The following SOX5 variants were observed in gnomAD, a reference collection of about 807,000 sequenced individuals.
SOX5 encodes transcription factor SOX-5.
SOX5 carries 9 observed loss-of-function variants against 92.0 expected under a neutral mutation model. The ratio of observed to expected loss-of-function variants is 0.10; its 90% CI spans 0.06 to 0.17. The LOEUF (loss-of-function observed/expected upper bound fraction) is 0.17. Ranked by LOEUF, SOX5 falls within the 10% of genes least tolerant of loss-of-function variation. The pLI is 1.00. For missense variants in SOX5, 642 were observed against 944.5 expected (o/e 0.68, Z 4.20); for synonymous variants, 344 against 336.3 (o/e 1.02, Z -0.25).
At chr12:23,968,654 T>G (rs1947871242) in intron 4 of SOX5, among the ~76,000 whole-genome samples, 2 of 152,214 alleles carry the variant, frequency 1.3e-5, no homozygotes, top group Admixed American at 1.3e-4. Context: ...GCCAATAAAT[T>G]TCTTTTCATT....
chr12:24,041,911 A>G (rs1203285960), intron 4 of SOX5, among the ~76,000 whole-genome samples: 2 of 152,132 alleles, frequency 1.3e-5, no homozygotes, highest in African/African-American at 4.8e-5. Flanking sequence ...TTTGTAACTT[A>G]TTTTAAACTG....
intron 4 of SOX5, among the ~76,000 whole-genome samples, chr12:24,081,766 G>A (rs535594198): frequency 1.3e-5 from 2 of 151,998 alleles, no homozygotes; most frequent in Non-Finnish European, 1.5e-5. Context: ...CTACTGTACC[G>A]AATTGAGGTC....
At chr12:24,071,868 G>C (rs992197215) in intron 4 of SOX5, among the ~76,000 whole-genome samples, 6 of 152,176 alleles carry the variant, frequency 3.9e-5, no homozygotes, top group African/African-American at 1.2e-4. Flanking sequence ...AGGCAAAGTT[G>C]TTTATCACTT....
At chr12:24,181,933 TCCATGTGTATA>T (rs1955539389) in intron 4 of SOX5, among the ~76,000 whole-genome samples, 1 of 152,206 alleles carries the variant, frequency 6.6e-6, no homozygotes, top group Non-Finnish European at 1.5e-5. Flanking sequence ...ATTTTTCATC[TCCATGTGTATA>T]CCATGTGAAA....
intron 3 of SOX5, among the ~76,000 whole-genome samples, chr12:23,800,367 C>A (rs2095638894): frequency 6.6e-6 from 1 of 152,044 alleles, no homozygotes; most frequent in African/African-American, 2.4e-5. Context: ...TAACCCAATA[C>A]CCAAACACAC....
At chr12:23,773,449 G>A (rs1192307656) in intron 3 of SOX5, among the ~76,000 whole-genome samples, 1 of 152,146 alleles carries the variant, frequency 6.6e-6, no homozygotes, top group African/African-American at 2.4e-5. Context: ...TCGGCTCGCT[G>A]CAACTTCTGC....
intron 6 of SOX5, among the ~76,000 whole-genome samples, chr12:23,716,496 C>T (rs1368919278): frequency 6.6e-6 from 1 of 152,132 alleles, no homozygotes; most frequent in Non-Finnish European, 1.5e-5. Flanking sequence ...GAAGTAAATT[C>T]ATAATTCTTT....
rs183581042 is a variant in SOX5 at position 23,676,043 on chromosome 12, T to C, written c.811-10479A>G. On this transcript the variant is annotated intron_variant, in intron 6 of 14. Transcript: ENST00000451604. ...GAACCCTGTATGCTATTGGCAGGAA[T>C]GTAAATTAGCACAGCCATTAATGCA... Among the ~76,000 whole-genome samples the C allele has an allele frequency of 5.5e-3, 836 of 152,226 alleles. 3 individuals are homozygous for C. Among genetic ancestry groups the C allele is most frequent in the Non-Finnish European group, 6.7e-3 (459 of 68,008 alleles).
chr12:23,785,549 T>C (rs1168614392), intron 3 of SOX5, among the ~76,000 whole-genome samples: 1 of 152,196 alleles, frequency 6.6e-6, no homozygotes, highest in Non-Finnish European at 1.5e-5. Context: ...CCTGCCTTCC[T>C]AAGAAAGAAT....
chr12:24,195,552 T>C (rs1024402170), intron 4 of SOX5, among the ~76,000 whole-genome samples: 3 of 152,172 alleles, frequency 2.0e-5, no homozygotes, highest in Non-Finnish European at 2.9e-5. Context: ...ACATTAAGAA[T>C]GGAAAGAGAA....
chr12:23,735,091 CAG>C (rs1311506448), intron 5 of SOX5, among the ~76,000 whole-genome samples: 2 of 152,148 alleles, frequency 1.3e-5, no homozygotes, highest in African/African-American at 2.4e-5. Context: ...TTTTCTATAA[CAG>C]AGTGTTTCAC....
chr12:23,988,140 G>C (rs1427216667), intron 4 of SOX5, among the ~76,000 whole-genome samples: 2 of 152,196 alleles, frequency 1.3e-5, no homozygotes, highest in East Asian at 1.9e-4. Flanking sequence ...ACTTGAAAAA[G>C]TATTCAGGAG....
chr12:24,412,857 C>T (rs1964363457), intron 1 of SOX5, among the ~76,000 whole-genome samples: 1 of 149,858 alleles, frequency 6.7e-6, no homozygotes, highest in Non-Finnish European at 1.5e-5. Context: ...TGGGTTCACA[C>T]CATTCTCCTG....
intron 2 of SOX5, among the ~76,000 whole-genome samples, chr12:23,855,162 C>A (rs1004595893): frequency 6.6e-5 from 10 of 151,972 alleles, no homozygotes; most frequent in African/African-American, 1.7e-4. Flanking sequence ...TATGCCTATA[C>A]AAGCAGTTTT....
At chr12:24,463,356 C>G (rs1006005757) in intron 1 of SOX5, among the ~76,000 whole-genome samples, 1 of 152,156 alleles carries the variant, frequency 6.6e-6, no homozygotes, top group Non-Finnish European at 1.5e-5. Flanking sequence ...CTACGTACAG[C>G]TAAGTTCGAA....
chr12:24,422,529 C>T (rs1378485730), intron 1 of SOX5, among the ~76,000 whole-genome samples: 2 of 152,182 alleles, frequency 1.3e-5, no homozygotes, highest in Non-Finnish European at 2.9e-5. Flanking sequence ...CCTGAACCCA[C>T]AACAAACCTT....
chr12:24,025,040 C>A (rs918479103), intron 4 of SOX5, among the ~76,000 whole-genome samples: 6 of 151,992 alleles, frequency 3.9e-5, no homozygotes, highest in Admixed American at 3.9e-4. Context: ...AAATTTTAAA[C>A]TTGCAATGAC....
In SOX5 at chr12:24,322,785, C is replaced by T. The variant is rs371145253; in HGVS notation, c.-173-45473G>A. On this transcript the variant is annotated intron_variant, in intron 2 of 4. Transcript: ENST00000446891. Reference sequence around the variant, plus strand: ...GCTTGAGGAAGAAATCAAACCCATACTCACAAAAGGATGAAGTGAGAGTGT... The same window carrying T: ...GCTTGAGGAAGAAATCAAACCCATATTCACAAAAGGATGAAGTGAGAGTGT... Among the ~76,000 whole-genome samples the T allele has an allele frequency of 1.5e-3, 235 of 152,244 alleles. 9 individuals carry two copies. In the South Asian group the frequency reaches 0.047, roughly 30 times the overall value.
At chr12:23,842,894 G>A (rs1011277099) in intron 3 of SOX5, among the ~76,000 whole-genome samples, 4 of 152,056 alleles carry the variant, frequency 2.6e-5, no homozygotes, top group Non-Finnish European at 5.9e-5. Context: ...GAGCTCCTCC[G>A]CTTCAAACAG....
Sources: gnomAD v4.1 joint callset for allele counts (sites outside exome capture counted in the v4.1 genomes callset) on GRCh38, gnomAD v4.1.1 for gene constraint, MANE v1.5 for transcripts, NCBI Gene and HGNC (gene_info 2026-07-23, HGNC 2026-07-21) for gene names.